Variants in PHLPP2 observed in about 807,000 individuals in gnomAD.
The protein encoded by PHLPP2 is PH domain leucine-rich repeat-containing protein phosphatase 2.
A neutral mutation model predicts 124.9 loss-of-function variants in PHLPP2; 66 were observed. The ratio of observed to expected loss-of-function variants is 0.53; its 90% CI spans 0.43 to 0.65. PHLPP2 has a LOEUF of 0.65. PHLPP2 is among the 30% of genes least tolerant of loss of function. The pLI is 0.00. For synonymous variants in PHLPP2, 681 were observed against 624.7 expected (o/e 1.09, Z -1.34); for missense variants, 1,685 against 1,600.4 (o/e 1.05, Z -0.90).
At chr16:71,719,988 T>TTTTTTTTTTTTTTTTTTTTTTTTTTTG (rs869036837) in intron 1 of PHLPP2, among the ~76,000 whole-genome samples, 1 of 139,058 alleles carries the variant, frequency 7.2e-6, no homozygotes, top group African/African-American at 2.6e-5. Context: ...TTTTTTTTTT[T>TTTTTTTTTTTTTTTTTTTTTTTTTTTG]GAGACGGAGT....
chr16:71,663,381 G>C (rs1300187537), intron 13 of PHLPP2, among the ~76,000 whole-genome samples: 3 of 152,224 alleles, frequency 2.0e-5, no homozygotes, highest in Admixed American at 2.0e-4. Context: ...AAAGTGTTGG[G>C]ATTACAGGCG....
Position 71,653,036 on chromosome 16 carries a change from A to G in PHLPP2, c.2586-15T>C, listed in dbSNP as rs777337524. 3.2e-6 allele frequency: 5 copies of G among 1,562,536 alleles called. No individual in the cohort carries two copies. Among genetic ancestry groups the G allele is most frequent in the Non-Finnish European group, 4.4e-6 (5 of 1,138,058 alleles). On this transcript the variant is annotated splice_polypyrimidine_tract_variant and intron_variant, in intron 17 of 18. Coordinates refer to ENST00000568954, the MANE Select transcript of PHLPP2 (RefSeq NM_015020.3). ...TTCCTAATTTCCTGTTCAGAAAGAA[A>G]AGGAAAAGAAGACGTGGTGGCTAGT...
In PHLPP2 at chr16:71,659,246, GAT is replaced by G. The variant is rs1491536168; in HGVS notation, c.1986-433_1986-432del. 1.5e-4 allele frequency among the ~76,000 whole-genome samples: 17 copies of G among 115,744 alleles called. No homozygotes were observed. The Admixed American group carries it at 1.6e-3, about 11-fold the overall frequency. The allele number at this position is 115,744 out of a possible 152,430, so 75.9% of individuals were successfully genotyped here. A position where few individuals can be genotyped will look rare whatever the true frequency, so the allele number is the denominator to read the frequency against. On this transcript the variant is annotated intron_variant, in intron 13 of 18. Coordinates refer to ENST00000568954, the MANE Select transcript of PHLPP2 (RefSeq NM_015020.3). ...TGAGGTTGTACTAAATCATCACAAA[GAT>G]TTTTTTTTTTTTTTTTTTTTGAGAT...
chr16:71,664,785 A>C (rs936677606), intron 12 of PHLPP2, among the ~76,000 whole-genome samples: 2 of 152,166 alleles, frequency 1.3e-5, no homozygotes, highest in African/African-American at 4.8e-5. Context: ...GTCTGGTTTT[A>C]ATAGCATCAT....
At chr16:71,720,411 C>T (rs1441884134) in intron 1 of PHLPP2, among the ~76,000 whole-genome samples, 3 of 152,132 alleles carry the variant, frequency 2.0e-5, no homozygotes, top group Admixed American at 6.5e-5. Flanking sequence ...AGCCACTGTG[C>T]CCAGCCCAGT....
intron 1 of PHLPP2, chr16:71,723,412 A>G (rs2045410816): frequency 2.0e-5 from 3 of 152,522 alleles, no homozygotes; most frequent in South Asian, 2.1e-4. Context: ...AGCCCTCCGG[A>G]GCCGGCCTCC....
At chr16:71,714,419 C>T (rs1178768872) in intron 2 of PHLPP2, 93 bp downstream of exon 2, 22 of 1,418,564 alleles carry the variant, frequency 1.6e-5, no homozygotes, top group South Asian at 3.2e-5. Context: ...ACATCAGTTC[C>T]GGCAGAATTA....
intron 7 of PHLPP2, 93 bp from the exon 8 acceptor site, chr16:71,679,078 T>G: frequency 1.4e-6 from 1 of 718,918 alleles, no homozygotes. Flanking sequence ...TGTCACTAAT[T>G]TATTATCAAT....
At chr16:71,658,414 CT>C in intron 14 of PHLPP2, 51 bp from the exon 15 acceptor site, 1 of 1,535,874 alleles carries the variant, frequency 6.5e-7, no homozygotes, top group Non-Finnish European at 8.9e-7. Flanking sequence ...AGACTTAGTT[CT>C]TTACTCCCAA....
At chr16:71,723,881 T>G (rs2045415665) in intron 1 of PHLPP2, 2 of 1,101,308 alleles carry the variant, frequency 1.8e-6, no homozygotes, top group Admixed American at 4.8e-5. Flanking sequence ...CGACCCAGGA[T>G]TCACAGAGAC....
At chr16:71,723,023 C>A (rs2145393171) in intron 1 of PHLPP2, among the ~76,000 whole-genome samples, 1 of 152,376 alleles carries the variant, frequency 6.6e-6, no homozygotes, top group South Asian at 2.1e-4. Context: ...TGCCAAGAAG[C>A]CCCGCTAGCT....
At chr16:71,693,771 T>C (rs993650339) in intron 3 of PHLPP2, among the ~76,000 whole-genome samples, 1 of 152,222 alleles carries the variant, frequency 6.6e-6, no homozygotes, top group African/African-American at 2.4e-5. Context: ...TTGTCAATTT[T>C]TAAAGAACCA....
intron 7 of PHLPP2, among the ~76,000 whole-genome samples, 168 bp downstream of exon 7, chr16:71,679,221 C>A (rs916557078): frequency 2.0e-5 from 3 of 152,218 alleles, no homozygotes; most frequent in African/African-American, 7.2e-5. Flanking sequence ...GGATCAGTCA[C>A]TGCTATGGGC....
chr16:71,694,667 A>G (rs1434742773), intron 3 of PHLPP2, among the ~76,000 whole-genome samples: 2 of 152,232 alleles, frequency 1.3e-5, no homozygotes, highest in African/African-American at 2.4e-5. Flanking sequence ...AAACATGTAC[A>G]AAAATATCAA....
intron 15 of PHLPP2, among the ~76,000 whole-genome samples, chr16:71,657,077 G>A (rs2044748336): frequency 1.3e-5 from 2 of 152,004 alleles, no homozygotes; most frequent in Non-Finnish European, 2.9e-5. Context: ...CAAGTAGCTG[G>A]GATTACAGGC....
Position 71,721,191 on chromosome 16 carries a change from C to CA in PHLPP2, c.-7+3137dup, listed in dbSNP as rs879424754. On this transcript the variant is annotated intron_variant, in intron 1 of 18. Transcript: ENST00000568954. Reference sequence around the variant, plus strand: ...CTACTAAAAAAACAAAACAAACAAACAAAAAAAAAAACGTGCCTATGATCC... The same window carrying CA: ...CTACTAAAAAAACAAAACAAACAAACAAAAAAAAAAAACGTGCCTATGATCC... 3.1e-3 allele frequency among the ~76,000 whole-genome samples: 448 copies of CA among 142,398 alleles called. 1 individual carries two copies. Among genetic ancestry groups the CA allele is most frequent in the Middle Eastern group, 7.2e-3 (2 of 278 alleles). The allele number at this position is 142,398 out of a possible 152,430, so 93.4% of individuals were successfully genotyped here.
intron 1 of PHLPP2, 93 bp from the exon 2 acceptor site, chr16:71,714,894 C>T: frequency 6.9e-7 from 1 of 1,451,846 alleles, no homozygotes; most frequent in Non-Finnish European, 9.1e-7. Context: ...ACTTTATATT[C>T]CCCAACATTC....
In PHLPP2 at chr16:71,684,475, C is replaced by G. The variant is rs1368913065; in HGVS notation, c.735+1G>C. On this transcript the variant is annotated splice_donor_variant, in intron 5 of 18. Coordinates refer to ENST00000568954, the MANE Select transcript of PHLPP2 (RefSeq NM_015020.3). LOFTEE classifies it high-confidence loss of function. The stretch of plus-strand genomic sequence containing the variant: ...CATCAGAACATCCCATTACTTTTCA[C>G]CTTGGATGCTTGCCGTTGCCATCGC... 1.9e-6 allele frequency: 3 copies of G among 1,613,752 alleles called. No individual in the cohort carries two copies. In the African/African-American group the frequency reaches 4.0e-5, roughly 22 times the overall value.
At chr16:71,658,505 C>T in intron 14 of PHLPP2, 142 bp from the exon 15 acceptor site, 2 of 1,177,648 alleles carry the variant, frequency 1.7e-6, no homozygotes, top group Non-Finnish European at 2.4e-6. Context: ...TGGTCCCAAA[C>T]TGGAGCACAT....
Sources: allele counts gnomAD v4.1 joint callset (sites outside exome capture counted in the v4.1 genomes callset), GRCh38; gene constraint gnomAD v4.1.1; transcripts MANE v1.5; gene names NCBI Gene and HGNC (gene_info 2026-07-23, HGNC 2026-07-21).